PODNL1: variants seen among roughly 807,000 people sequenced by gnomAD.
The protein encoded by PODNL1 is podocan-like protein 1.
PODNL1 carries 50 observed loss-of-function variants against 45.1 expected under a neutral mutation model. That is an observed-to-expected ratio of 1.11 (90% CI 0.88 to 1.40). The LOEUF is 1.40. Among genes scored for constraint, PODNL1 ranks in the 40% most tolerant of loss-of-function variants. The pLI is 0.00. For synonymous variants in PODNL1, 406 were observed against 372.5 expected, an observed-to-expected ratio of 1.09 and a Z score of -1.04; for missense variants, 788 against 793.3, an observed-to-expected ratio of 0.99 and a Z score of 0.08.
intron 1 of PODNL1, among the ~76,000 whole-genome samples, chr19:13,946,041 A>G (rs543592558): frequency 1.3e-5 from 2 of 152,096 alleles, no homozygotes; most frequent in Non-Finnish European, 2.9e-5. Context: ...CTGTTTCTAA[A>G]AAAGAAAAGA....
In PODNL1 at chr19:13,932,069, TC is replaced by T; in HGVS notation, c.1468del (p.Asp490ThrfsTer6). 1 of 1,232,630 alleles carries T rather than the reference TC, an allele frequency of 8.1e-7. No individual in the cohort carries two copies. Among genetic ancestry groups the T allele is most frequent in the Non-Finnish European group, 1.0e-6 (1 of 988,368 alleles). 76.4% of individuals were successfully genotyped at this position (1,232,630 alleles called of 1,614,324 possible). On this transcript the variant is annotated frameshift_variant, in exon 9 of 10. Transcript: ENST00000588872. LOFTEE classifies it high-confidence loss of function. Reference sequence around the variant, plus strand: ...CAGCTCCTCTAGGGCCTCAGGCAGGTCCGGGGGCACAAAGGACAGCTCATTG... The same window carrying T: ...CAGCTCCTCTAGGGCCTCAGGCAGGTCGGGGGCACAAAGGACAGCTCATTG... ...SHNELSFVPP[D>X]LPEALEELHL...
Position 13,938,399 on chromosome 19 carries a change from G to C in PODNL1, c.-218C>G. On this transcript the variant is annotated 5_prime_UTR_variant, in exon 1 of 10. Transcript: ENST00000588872. The stretch of plus-strand genomic sequence containing the variant: ...GGACGGGCAGGCGGCCGGATGGGGT[G>C]GTGAGGACAGGCCAGCCCGTCCCCT... 2 of 1,393,138 alleles carry C rather than the reference G, an allele frequency of 1.4e-6. No individual in the cohort carries two copies. The highest frequency in any genetic ancestry group is 1.9e-6 in the Non-Finnish European group (2 of 1,074,952). The allele number at this position is 1,393,138 out of a possible 1,614,324, so 86.3% of individuals were successfully genotyped here. A position where few individuals can be genotyped will look rare whatever the true frequency, so the allele number is the denominator to read the frequency against.
rs1182754625 is a variant in PODNL1 at position 13,932,073 on chromosome 19, G to C, written c.1465C>G (p.Pro489Ala). The C allele has an allele frequency of 8.1e-7, 1 of 1,232,632 alleles. No individual in the cohort carries two copies. The highest frequency in any genetic ancestry group is 1.6e-5 in the African/African-American group (1 of 64,430). The allele number at this position is 1,232,632 out of a possible 1,614,324, so 76.4% of individuals were successfully genotyped here. ...TCCTCTAGGGCCTCAGGCAGGTCCG[G>C]GGGCACAAAGGACAGCTCATTGTGG... Reference protein sequence around the residue: ...LSHNELSFVPPDLPEALEELH... With the variant: ...LSHNELSFVPADLPEALEELH... The change falls in exon 9 of 10, where the codon CCG (proline) becomes GCG (alanine). Residue 489 changes from proline to alanine, a missense_variant. Physicochemically the swap from Pro to Ala is conservative, Grantham distance 27 (BLOSUM62 -1). Transcript: ENST00000588872.
At chr19:13,952,398 G>A (rs947499927) in intron 1 of PODNL1, 2 of 1,208,950 alleles carry the variant, frequency 1.7e-6, no homozygotes, top group Admixed American at 4.2e-5. Context: ...GGCATAGCGC[G>A]AGTGCGGGCT....
chr19:13,931,888 C>T lies in PODNL1; in HGVS notation c.1575-1G>A. 8.1e-7 allele frequency: 1 copy of T among 1,232,050 alleles called. No homozygotes were observed. The highest frequency in any genetic ancestry group is 1.5e-5 in the African/African-American group (1 of 64,526). The allele number at this position is 1,232,050 out of a possible 1,614,324, so 76.3% of individuals were successfully genotyped here. Reference sequence around the variant, plus strand: ...GCTCGTCATGTGAAGCCTGTTGGCCCTGCACAGAGAGGCGGTCATGACCCT... The same window carrying T: ...GCTCGTCATGTGAAGCCTGTTGGCCTTGCACAGAGAGGCGGTCATGACCCT... On this transcript the variant is annotated splice_acceptor_variant, in intron 9 of 9. Transcript: ENST00000588872. LOFTEE classifies it high-confidence loss of function.
rs202013571 is a variant in PODNL1, at chr19:13,933,168, C to T, written c.1055G>A (p.Arg352His). The T allele has an allele frequency of 1.1e-3, 1,645 of 1,532,014 alleles. 1 individual carries two copies. Among genetic ancestry groups the T allele is most frequent in the Non-Finnish European group, 1.4e-3 (1,556 of 1,144,258 alleles). The allele number at this position is 1,532,014 out of a possible 1,614,324, so 94.9% of individuals were successfully genotyped here. A position where few individuals can be genotyped will look rare whatever the true frequency, so the allele number is the denominator to read the frequency against. ...LDRVPPALPR[R>H]LRALVLPHNH... ...GTGGGGCAGCACCAGGGCACGCAGG[C>T]GGCGGGGCAGGGCTGGAGGCACGCG... The change falls in exon 8 of 10, where the codon CGC becomes CAC. Residue 352 changes from arginine (R) to histidine (H), a missense_variant. Transcript: ENST00000588872. This position sits in a 1 kb window ranked among gnomAD's most constrained non-coding sequence, Gnocchi z 5.2.
At chr19:13,932,485 C>G (rs1972017186) in intron 8 of PODNL1, 1 of 648,058 alleles carries the variant, frequency 1.5e-6, no homozygotes, top group Admixed American at 3.3e-5. Context: ...CCTCAGCCTC[C>G]TGAATAGCTG....
Position 13,934,237 on chromosome 19 carries a change from A to T in PODNL1, c.651+17T>A, listed in dbSNP as rs368630435. The T allele has an allele frequency of 2.0e-6, 3 of 1,496,352 alleles. No homozygotes were observed. Among genetic ancestry groups the T allele is most frequent in the African/African-American group, 2.8e-5 (2 of 71,984 alleles). 92.7% of individuals were successfully genotyped at this position (1,496,352 alleles called of 1,614,324 possible). ...TGAAGAGAGTCTGGCCCGGGGTGGGACCTACAGCAGGGCTACCTGCAGGTG... is the reference window on the plus strand; with the variant it reads ...TGAAGAGAGTCTGGCCCGGGGTGGGTCCTACAGCAGGGCTACCTGCAGGTG... On this transcript the variant is annotated intron_variant, in intron 6 of 9. Transcript: ENST00000588872.
chr19:13,953,136 T>C (rs1488140260), exon 1 of PODNL1: 2 of 1,548,362 alleles, frequency 1.3e-6, no homozygotes, highest in Admixed American at 3.9e-5. Context: ...GGCCTCCCCA[T>C]TGAAAGTGTG....
At chr19:13,934,673 G>C (rs529869029) in intron 5 of PODNL1, among the ~76,000 whole-genome samples, 2 of 151,938 alleles carry the variant, frequency 1.3e-5, no homozygotes, top group Admixed American at 6.6e-5. Flanking sequence ...AGTGTAATGA[G>C]TGCATATGTG....
At chr19:13,936,102 T>C (rs114953254) in intron 3 of PODNL1, 58 bp from the exon 4 acceptor site, 9 of 1,401,938 alleles carry the variant, frequency 6.4e-6, no homozygotes, top group Non-Finnish European at 8.8e-6. Context: ...GGAGGGGGAG[T>C]CTGGGCTCCC....
upstream of PODNL1, among the ~76,000 whole-genome samples, chr19:13,939,071 C>T (rs1388430641): frequency 1.3e-5 from 2 of 152,208 alleles, no homozygotes; most frequent in African/African-American, 4.8e-5. Context: ...CCACAACTTA[C>T]CAACAGGGCG....
At chr19:13,939,029 C>T (rs1432253766), upstream of PODNL1, among the ~76,000 whole-genome samples, 1 of 152,184 alleles carries the variant, frequency 6.6e-6, no homozygotes, top group African/African-American at 2.4e-5. Context: ...GGGTGACAAG[C>T]TGGTCTCCAC....
chr19:13,949,821 G>A (rs1221319507), intron 1 of PODNL1, among the ~76,000 whole-genome samples: 5 of 151,472 alleles, frequency 3.3e-5, no homozygotes, highest in Non-Finnish European at 7.4e-5. Flanking sequence ...AGCCTCTTAC[G>A]TAGCTGGGAC....
exon 1 of PODNL1, chr19:13,953,255 C>G (rs1001839602): frequency 3.1e-6 from 3 of 981,588 alleles, no homozygotes; most frequent in Non-Finnish European, 4.4e-6. Context: ...GATGATGTCT[C>G]TCTCCCCCAT....
intron 5 of PODNL1, 36 bp downstream of exon 5, chr19:13,935,685 C>T (rs1568434601): frequency 6.9e-7 from 1 of 1,448,780 alleles, no homozygotes; most frequent in East Asian, 2.4e-5. Context: ...ACAGATGTAT[C>T]TGAGGCCTGG....
upstream of PODNL1, among the ~76,000 whole-genome samples, chr19:13,938,678 T>C (rs1410732412): frequency 6.6e-6 from 1 of 152,100 alleles, no homozygotes; most frequent in East Asian, 1.9e-4. Context: ...GATGCCAGCC[T>C]GGGAGCTCCT....
Position 13,934,009 on chromosome 19 carries a change from G to A in PODNL1, c.652-16C>T, listed in dbSNP as rs1972148710. ...TGAGATTGTTCTGGAGAAGGAAGAA[G>A]AGAATGAGACTTGAGTCTGGGATGA... On this transcript the variant is annotated splice_polypyrimidine_tract_variant and intron_variant, in intron 6 of 9. Coordinates refer to ENST00000588872, the MANE Select transcript of PODNL1 (RefSeq NM_001370095.3). The A allele has an allele frequency of 1.9e-6, 3 of 1,583,890 alleles. No homozygotes were observed. The highest frequency in any genetic ancestry group is 1.3e-5 in the African/African-American group (1 of 74,152).
At position 13,931,765 on chromosome 19, in the gene PODNL1, G is replaced by A. The variant is rs561989170; in HGVS notation, c.1697C>T (p.Pro566Leu). The A allele has an allele frequency of 2.4e-6, 3 of 1,231,894 alleles. No individual in the cohort carries two copies. Among genetic ancestry groups the A allele is most frequent in the South Asian group, 4.1e-5 (1 of 24,322 alleles). The allele number at this position is 1,231,894 out of a possible 1,614,324, so 76.3% of individuals were successfully genotyped here. ...GGGGCCCCCTGCCCGTGGCCCACGT[G>A]GGGTGGTGGGAGGCAGCCGGATCAG... is the stretch of plus-strand genomic sequence containing the variant. The part of the protein sequence containing the change: ...QVLIRLPPTT[P>L]RGPRAGGP The change falls in exon 10 of 10, where the codon CCA (proline) becomes CTA (leucine). Residue 566 changes from proline (P) to leucine (L), a missense_variant. By Grantham distance (98) the Pro-to-Leu change is moderately conservative (BLOSUM62 -3). Around this residue, in one of 3 missense-constraint regions of PODNL1, gnomAD observed 17 missense variants for 16.7 expected, o/e 1.02. Transcript: ENST00000588872.
Sources: allele counts gnomAD v4.1 joint callset (sites outside exome capture counted in the v4.1 genomes callset), GRCh38; gene constraint gnomAD v4.1.1; regional missense constraint gnomAD v4.1.1; non-coding constraint Gnocchi (gnomAD v3.1); transcripts MANE v1.5; gene names NCBI Gene and HGNC (gene_info 2026-07-23, HGNC 2026-07-21).